Variants in DRC1 observed in about 807,000 individuals in gnomAD.
DRC1 encodes the protein dynein regulatory complex subunit 1, also known as dynein regulatory complex protein 1.
Under a neutral mutation model 98.7 loss-of-function variants are expected in DRC1, and 74 were observed. The observed-to-expected ratio is 0.75, with a 90% CI of 0.62 to 0.91. The LOEUF (loss-of-function observed/expected upper bound fraction) is 0.91. Ranked by LOEUF, DRC1 falls within the 40% of genes least tolerant of loss-of-function variation. The pLI, the probability that DRC1 is intolerant of heterozygous loss-of-function variation, is 0.00. For synonymous variants in DRC1, 336 were observed against 334.1 expected (o/e 1.01, Z -0.06); for missense variants, 875 against 886.0 (o/e 0.99, Z 0.16).
At chr2:26,431,741 A>G in intron 6 of DRC1, 143 bp from the exon 7 acceptor site, 1 of 1,339,256 alleles carries the variant, frequency 7.5e-7, no homozygotes, top group Non-Finnish European at 1.0e-6. Context: ...TTGGGTATTC[A>G]GGACTTCTGA....
At chr2:26,403,450 C>T (rs1038769616) in intron 1 of DRC1, among the ~76,000 whole-genome samples, 8 of 152,076 alleles carry the variant, frequency 5.3e-5, no homozygotes, top group African/African-American at 1.9e-4. Flanking sequence ...TTTTTTTAAC[C>T]ATTTATTTAT....
At chr2:26,430,618 C>G (rs774432789) in intron 5 of DRC1, 168 bp from the exon 6 acceptor site, 3 of 756,914 alleles carry the variant, frequency 4.0e-6, no homozygotes, top group Non-Finnish European at 4.9e-6. Flanking sequence ...CCATGCAGCT[C>G]CTTCCATAGC....
At chr2:26,453,278 C>T (rs200282689) in intron 13 of DRC1, 42 bp from the exon 14 acceptor site, 93 of 1,608,642 alleles carry the variant, frequency 5.8e-5, no homozygotes, top group East Asian at 1.6e-4. Context: ...TGCTCATGCT[C>T]GTGTGTCCCC....
intron 7 of DRC1, among the ~76,000 whole-genome samples, chr2:26,437,766 A>T (rs981297904): frequency 1.3e-5 from 2 of 152,134 alleles, no homozygotes. Flanking sequence ...TTATTATGAC[A>T]TGGTAAACAT....
In DRC1 at chr2:26,440,408, G is replaced by T; in HGVS notation, c.919G>T (p.Ala307Ser). Residue 307 changes from alanine to serine, a missense_variant, in exon 8 of 17, where the codon GCA becomes TCA. By Grantham distance (99) the Ala-to-Ser change is moderately conservative (BLOSUM62 1). Transcript: ENST00000288710. ...TGAGCAGCAGCTTCAGCAGAGGAAA[G>T]CAATTTATCAGCTAAACCAAGAGAA... The part of the protein sequence containing the change: ...ILEQQLQQRK[A>S]IYQLNQEKLE... The T allele has an allele frequency of 6.2e-7, 1 of 1,611,320 alleles. No individual in the cohort carries two copies.
At chr2:26,417,181 G>C (rs1032046027) in intron 2 of DRC1, among the ~76,000 whole-genome samples, 2 of 152,128 alleles carry the variant, frequency 1.3e-5, no homozygotes, top group African/African-American at 4.8e-5. Flanking sequence ...AGGGACAAAA[G>C]ATCGAAACTA....
chr2:26,442,123 G>A (rs958107461), intron 8 of DRC1, among the ~76,000 whole-genome samples: 1 of 152,220 alleles, frequency 6.6e-6, no homozygotes, highest in Admixed American at 6.5e-5. Context: ...GTAGAAGAGC[G>A]GGAGAGCAAG....
intron 3 of DRC1, among the ~76,000 whole-genome samples, chr2:26,423,814 C>T (rs10186721): frequency 0.76 from 115,572 of 152,224 alleles, 46,189 homozygotes; most frequent in Non-Finnish European, 0.89. Context: ...TTTTCATCCA[C>T]GCCATTTTAC....
At chr2:26,456,342 T>C in intron 16 of DRC1, 119 bp from the exon 17 acceptor site, 1 of 1,238,426 alleles carries the variant, frequency 8.1e-7, no homozygotes, top group Non-Finnish European at 1.2e-6. Context: ...CTCTCAGCTT[T>C]GGAGAGGAGA....
At chr2:26,436,395 A>G (rs1376464205) in intron 7 of DRC1, among the ~76,000 whole-genome samples, 1 of 152,016 alleles carries the variant, frequency 6.6e-6, no homozygotes, top group Non-Finnish European at 1.5e-5. Flanking sequence ...TGCAGCCTCG[A>G]CTTCCCAGCA....
Position 26,430,842 on chromosome 2 carries a change from G to T in DRC1, c.735G>T (p.Glu245Asp). ...ELLASNKKKW[E>D]QALQAHNAKE... Reference sequence around the variant, plus strand: ...TGGCCAGTAATAAGAAGAAATGGGAGCAAGCCCTTCAGGCTCATAATGCCA... The same window carrying T: ...TGGCCAGTAATAAGAAGAAATGGGATCAAGCCCTTCAGGCTCATAATGCCA... Residue 245 changes from glutamate (E) to aspartate (D), a missense_variant, in exon 6 of 17, where the codon GAG becomes GAT. Glu to Asp is a conservative substitution (Grantham distance 45). Coordinates refer to ENST00000288710, the MANE Select transcript of DRC1 (RefSeq NM_145038.5). 6.2e-7 allele frequency: 1 copy of T among 1,613,954 alleles called. No individual in the cohort carries two copies. The highest frequency in any genetic ancestry group is 8.5e-7 in the Non-Finnish European group (1 of 1,179,910).
At chr2:26,430,594 C>T (rs966840192) in intron 5 of DRC1, 192 bp from the exon 6 acceptor site, 3 of 701,102 alleles carry the variant, frequency 4.3e-6, no homozygotes, top group Admixed American at 4.0e-5. Context: ...GTATCGTCTT[C>T]ATAATGCTAA....
At chr2:26,429,482 A>G in intron 4 of DRC1, 146 bp from the exon 5 acceptor site, 1 of 1,022,820 alleles carries the variant, frequency 9.8e-7, no homozygotes, top group Non-Finnish European at 1.4e-6. Flanking sequence ...CTGAGATTAT[A>G]GGTGTGAGCC....
At chr2:26,438,526 G>C (rs1307029836) in intron 7 of DRC1, among the ~76,000 whole-genome samples, 2 of 152,078 alleles carry the variant, frequency 1.3e-5, no homozygotes, top group South Asian at 2.1e-4. Context: ...GATATTACAG[G>C]CTTCTGTTCT....
intron 1 of DRC1, among the ~76,000 whole-genome samples, chr2:26,408,212 C>T (rs1307316836): frequency 6.6e-6 from 1 of 152,154 alleles, no homozygotes; most frequent in African/African-American, 2.4e-5. Flanking sequence ...TGCCTAGAAC[C>T]TTTCTCTCTC....
intron 2 of DRC1, among the ~76,000 whole-genome samples, chr2:26,414,869 TCTC>T (rs1262063121): frequency 6.6e-6 from 1 of 152,002 alleles, no homozygotes; most frequent in African/African-American, 2.4e-5. Flanking sequence ...CCCCCTCTAT[TCTC>T]CTCTTCTTCT....
intron 10 of DRC1, among the ~76,000 whole-genome samples, chr2:26,445,950 G>A (rs1284764019): frequency 3.9e-5 from 6 of 151,962 alleles, no homozygotes; most frequent in South Asian, 2.1e-4. Context: ...GAGCCACCAC[G>A]CTTGGCTAGC....
chr2:26,442,744 T>A (rs1210701401), intron 8 of DRC1, among the ~76,000 whole-genome samples: 1 of 152,212 alleles, frequency 6.6e-6, no homozygotes, highest in Non-Finnish European at 1.5e-5. Flanking sequence ...GAAACCAGAC[T>A]TGCCTCTGCT....
At chr2:26,427,401 C>A (rs1663313028) in intron 4 of DRC1, among the ~76,000 whole-genome samples, 1 of 152,072 alleles carries the variant, frequency 6.6e-6, no homozygotes, top group Admixed American at 6.6e-5. Context: ...CAGTTGTGAG[C>A]CACCGCACCT....
Sources: allele counts gnomAD v4.1 joint callset (sites outside exome capture counted in the v4.1 genomes callset), GRCh38; gene constraint gnomAD v4.1.1; transcripts MANE v1.5; gene names NCBI Gene and HGNC (gene_info 2026-07-23, HGNC 2026-07-21).